The following AP5Z1 variants were observed in gnomAD, a reference collection of about 807,000 sequenced individuals.
The protein encoded by AP5Z1 is adaptor related protein complex 5 subunit zeta 1.
Under a neutral mutation model 83.0 loss-of-function variants are expected in AP5Z1, and 106 were observed. The ratio of observed to expected loss-of-function variants is 1.28; its 90% confidence interval spans 1.09 to 1.50. AP5Z1 has a LOEUF of 1.50. Among genes scored for constraint, AP5Z1 ranks in the 40% most tolerant of loss-of-function variants. AP5Z1 has a pLI of 0.00. For missense variants in AP5Z1, 1,565 were observed against 1,094.2 expected (o/e 1.43, Z -6.07); for synonymous variants, 751 against 514.1 (o/e 1.46, Z -6.23).
intron 13 of AP5Z1, 36 bp from the exon 14 acceptor site, chr7:4,789,796 G>C (rs1351217678): frequency 3.9e-6 from 6 of 1,523,478 alleles, no homozygotes; most frequent in African/African-American, 2.8e-5. Flanking sequence ...TGCAGTGGGG[G>C]TGGGGCTGAG....
At chr7:4,784,554 C>T (rs184052817) in intron 6 of AP5Z1, among the ~76,000 whole-genome samples, 183 bp downstream of exon 6, 4 of 152,274 alleles carry the variant, frequency 2.6e-5, no homozygotes, top group African/African-American at 9.6e-5. Context: ...TGGCCAGCAT[C>T]TTTGGGGTCC....
chr7:4,782,857 G>A (rs1781417908), intron 3 of AP5Z1, among the ~76,000 whole-genome samples: 1 of 152,212 alleles, frequency 6.6e-6, no homozygotes, highest in Admixed American at 6.5e-5. Flanking sequence ...CCCGGCACGT[G>A]GCCTCCCAGC....
chr7:4,779,187 T>TAAC lies in AP5Z1; in HGVS notation c.42-1983_42-1981dup, dbSNP rs572771288. On this transcript the variant is annotated intron_variant, in intron 1 of 16. Coordinates refer to ENST00000649063, the MANE Select transcript of AP5Z1 (RefSeq NM_014855.3). ...TATAACATATATAACATAACATATA[T>TAAC]AACAACATAATATATAGCATATATT... Among the ~76,000 whole-genome samples, 243 of 146,564 alleles carry TAAC rather than the reference T, an allele frequency of 1.7e-3. 2 individuals carry two copies. The highest frequency in any genetic ancestry group is 5.7e-3 in the African/African-American group (229 of 40,308).
At chr7:4,787,909 C>T (rs1412428366) in intron 11 of AP5Z1, 133 bp downstream of exon 11, 20 of 1,247,194 alleles carry the variant, frequency 1.6e-5, no homozygotes, top group Non-Finnish European at 2.1e-5. Flanking sequence ...GACCAGTCCT[C>T]CCCTGCAAAG....
At chr7:4,775,820 G>C in intron 1 of AP5Z1, 64 bp downstream of exon 1, 1 of 1,575,372 alleles carries the variant, frequency 6.3e-7, no homozygotes. Context: ...CACGGGGGTG[G>C]GTCTCACAGG....
rs181496543 is a variant in AP5Z1 at position 4,783,526 on chromosome 7, A to G, written c.511+66A>G. On this transcript the variant is annotated intron_variant, in intron 4 of 16. Transcript: ENST00000649063. ...TTCCCAGGTCCTTCCCTGAGGGCCCATGGTGGGTTGGGAGTGTGGGGGGCA... is the reference window on the plus strand; with the variant it reads ...TTCCCAGGTCCTTCCCTGAGGGCCCGTGGTGGGTTGGGAGTGTGGGGGGCA... 1.8e-3 allele frequency: 2,155 copies of G among 1,195,934 alleles called. 21 individuals carry two copies. The African/African-American group carries it at 0.028, about 15-fold the overall frequency. The allele number at this position is 1,195,934 out of a possible 1,614,324, so 74.1% of individuals were successfully genotyped here. A position where few individuals can be genotyped will look rare whatever the true frequency, so the allele number is the denominator to read the frequency against.
rs568786428 is a variant in AP5Z1 at position 4,775,757 on chromosome 7, G to C, written c.41+1G>C. 6.2e-7 allele frequency: 1 copy of C among 1,604,342 alleles called. No individual in the cohort carries two copies. The highest frequency in any genetic ancestry group is 1.3e-5 in the African/African-American group (1 of 75,014). On this transcript the variant is annotated splice_donor_variant, in intron 1 of 16. Transcript: ENST00000649063. LOFTEE classifies it high-confidence loss of function. Reference sequence around the variant, plus strand: ...CGGAGAGTTTGCTCCACCAGGCCAGGTACGGGGGAGCTGCGGCCCCGGCCC... The same window carrying C: ...CGGAGAGTTTGCTCCACCAGGCCAGCTACGGGGGAGCTGCGGCCCCGGCCC...
intron 3 of AP5Z1, 54 bp downstream of exon 3, chr7:4,781,808 CA>C (rs1238854387): frequency 1.4e-6 from 2 of 1,470,010 alleles, no homozygotes; most frequent in East Asian, 4.7e-5. Flanking sequence ...TCCCAAGGAA[CA>C]GGGGAGACAG....
intron 12 of AP5Z1, 128 bp downstream of exon 12, chr7:4,788,422 C>A: frequency 8.4e-7 from 1 of 1,192,970 alleles, no homozygotes; most frequent in Non-Finnish European, 1.1e-6. Context: ...AGGCTGCGTC[C>A]CCGTCATCAC....
At chr7:4,784,402 G>C (rs893774987) in intron 6 of AP5Z1, 31 bp downstream of exon 6, 9 of 1,562,662 alleles carry the variant, frequency 5.8e-6, no homozygotes, top group Non-Finnish European at 7.8e-6. Context: ...ACGTCAGACA[G>C]GGGTGGGAGG....
At position 4,785,170 on chromosome 7, in the gene AP5Z1, G is replaced by T. The variant is rs1035251396; in HGVS notation, c.931+122G>T. 3 of 1,450,684 alleles carry T rather than the reference G, an allele frequency of 2.1e-6. No individual in the cohort carries two copies. The Admixed American group carries it at 7.2e-5, about 35-fold the overall frequency. 89.9% of individuals were successfully genotyped at this position (1,450,684 alleles called of 1,614,324 possible). A position where few individuals can be genotyped will look rare whatever the true frequency, so the allele number is the denominator to read the frequency against. Reference sequence around the variant, plus strand: ...CCACAGAGGGGGTCCCTGGGTAGCCGGTTTGGAGCAGGGGCATTTTTGCTT... The same window carrying T: ...CCACAGAGGGGGTCCCTGGGTAGCCTGTTTGGAGCAGGGGCATTTTTGCTT... On this transcript the variant is annotated intron_variant, in intron 7 of 16. Coordinates refer to ENST00000649063, the MANE Select transcript of AP5Z1 (RefSeq NM_014855.3).
At chr7:4,786,690 G>A (rs551011037) in intron 10 of AP5Z1, among the ~76,000 whole-genome samples, 2 of 152,328 alleles carry the variant, frequency 1.3e-5, no homozygotes, top group East Asian at 3.9e-4. Flanking sequence ...TGTTCTCACA[G>A]CACTGGGGCA....
chr7:4,784,489 G>A (rs945580917), intron 6 of AP5Z1, 118 bp downstream of exon 6: 8 of 1,258,490 alleles, frequency 6.4e-6, no homozygotes, highest in East Asian at 5.1e-5. Context: ...ATGCAGCAGA[G>A]GTCAGGACTG....
chr7:4,778,192 T>G (rs866071644), intron 1 of AP5Z1, among the ~76,000 whole-genome samples: 2 of 152,100 alleles, frequency 1.3e-5, no homozygotes, highest in African/African-American at 4.8e-5. Context: ...GCCACTGCAC[T>G]CCAGCTCGGG....
In AP5Z1 at chr7:4,788,831, T is replaced by C; in HGVS notation, c.1596-9T>C. The C allele has an allele frequency of 2.5e-6, 4 of 1,596,518 alleles. No homozygotes were observed. Among genetic ancestry groups the C allele is most frequent in the Middle Eastern group, 1.7e-4 (1 of 5,874 alleles). ...GCGGGCAGCACTCACGGCCACACTG[T>C]GTCCTCAGGTTGGCGCCACTCCACC... On this transcript the variant is annotated splice_polypyrimidine_tract_variant and intron_variant, in intron 12 of 16. Coordinates refer to ENST00000649063, the MANE Select transcript of AP5Z1 (RefSeq NM_014855.3).
At chr7:4,778,517 A>T (rs1300511262) in intron 1 of AP5Z1, among the ~76,000 whole-genome samples, 1 of 152,032 alleles carries the variant, frequency 6.6e-6, no homozygotes, top group Non-Finnish European at 1.5e-5. Context: ...AGTCTGGAGA[A>T]GGAAGGCGGG....
intron 14 of AP5Z1, chr7:4,790,188 G>C: frequency 1.3e-6 from 2 of 1,541,126 alleles, no homozygotes; most frequent in Non-Finnish European, 1.7e-6. Flanking sequence ...TCCCCGTCTT[G>C]TCCCCTGGGG....
chr7:4,781,570 T>C lies in AP5Z1; in HGVS notation c.182T>C (p.Leu61Pro). ...ACCACGGGCATCTCGCCTTCCAGGCTGGAGAAGACATGCGTAGACCTGCTG... is the reference window on the plus strand; with the variant it reads ...ACCACGGGCATCTCGCCTTCCAGGCCGGAGAAGACATGCGTAGACCTGCTG... ...IISATKYSRR[L>P]EKTCVDLLQA... is the part of the protein sequence containing the mutation. Residue 61 changes from leucine (L) to proline (P), a missense_variant and splice_region_variant, in exon 3 of 17, where the codon CTG becomes CCG. Transcript: ENST00000649063. 2.5e-6 allele frequency: 4 copies of C among 1,604,712 alleles called. No homozygotes were observed. The highest frequency in any genetic ancestry group is 2.6e-6 in the Non-Finnish European group (3 of 1,173,248).
rs751662360 is a variant in AP5Z1 at position 4,790,598 on chromosome 7, C to CG, written c.1938+10dup. ...GAGCCTCGTCACCAGCGTGGTAAGG[C>CG]GGGCGCTGGCCTCCCACAGCCGCTC... On this transcript the variant is annotated splice_region_variant and intron_variant, in intron 15 of 16. Transcript: ENST00000649063. 10 of 1,612,500 alleles carry CG rather than the reference C, an allele frequency of 6.2e-6. No homozygotes were observed. In the South Asian group the frequency reaches 1.1e-4, roughly 18 times the overall value.
Sources: gnomAD v4.1 joint callset for allele counts (sites outside exome capture counted in the v4.1 genomes callset) on GRCh38, gnomAD v4.1.1 for gene constraint, MANE v1.5 for transcripts, NCBI Gene and HGNC (gene_info 2026-07-23, HGNC 2026-07-21) for gene names.